Variants in SDK1 observed in about 807,000 individuals in gnomAD.
SDK1 encodes sidekick cell adhesion molecule 1.
In SDK1, 157 loss-of-function variants were observed where a neutral mutation model predicts 245.5. That is an observed-to-expected ratio of 0.64 (90% confidence interval 0.56 to 0.73). SDK1 has a LOEUF of 0.73. Among genes scored for constraint, SDK1 ranks in the 30% least tolerant of loss-of-function variants. The pLI is 0.00. For missense variants in SDK1, 3,583 were observed against 3,002.3 expected (o/e 1.19, Z -4.52); for synonymous variants, 1,647 against 1,278.5 (o/e 1.29, Z -6.15).
chr7:4,096,985 G>GCAGA (rs1424108490), intron 22 of SDK1, among the ~76,000 whole-genome samples: 2 of 152,216 alleles, frequency 1.3e-5, no homozygotes, highest in African/African-American at 4.8e-5. Context: ...GTGCACTCGA[G>GCAGA]CAGAATCACA....
Position 3,722,770 on chromosome 7 carries a change from G to T in SDK1, c.713+80665G>T, listed in dbSNP as rs774655727. 2.6e-5 allele frequency among the ~76,000 whole-genome samples: 4 copies of T among 152,304 alleles called. No homozygotes were observed. The East Asian group carries it at 5.8e-4, about 22-fold the overall frequency. ...GGACTCGCGCGGGTGGCTCAGCACC[G>T]CCCTCTGTCTGTTCTTAGGTCTTGC... On this transcript the variant is annotated intron_variant, in intron 4 of 44. Transcript: ENST00000404826.
At chr7:4,063,191 GTCTAAACAAACCTAGAC>G (rs1362491087) in intron 19 of SDK1, among the ~76,000 whole-genome samples, 1 of 152,104 alleles carries the variant, frequency 6.6e-6, no homozygotes, top group Non-Finnish European at 1.5e-5. Flanking sequence ...ATGATCTTGT[GTCTAAACAAACCTAGAC>G]TCCACCAAAA....
intron 44 of SDK1, among the ~76,000 whole-genome samples, chr7:4,264,512 C>T (rs1163589627): frequency 7.2e-5 from 9 of 125,502 alleles, no homozygotes; most frequent in Non-Finnish European, 1.4e-4. Flanking sequence ...GCCGCGTGGA[C>T]CTCTCCTGAG....
chr7:3,869,328 G>C (rs1297425352), intron 5 of SDK1, among the ~76,000 whole-genome samples: 1 of 151,888 alleles, frequency 6.6e-6, no homozygotes, highest in Admixed American at 6.6e-5. Context: ...GCTAATTTTT[G>C]TATTTTTAGT....
rs1277143961 is a variant in SDK1 at position 3,766,542 on chromosome 7, G to T, written c.714-54908G>T. The stretch of plus-strand genomic sequence containing the variant: ...AGTGTACCTGGTTAATATGGTTTTT[G>T]TAGTTATTAGAGGGAATAATATAAC... On this transcript the variant is annotated intron_variant, in intron 4 of 44. Transcript: ENST00000404826. Among the ~76,000 whole-genome samples, 24 of 152,112 alleles carry T rather than the reference G, an allele frequency of 1.6e-4. 1 individual carries two copies. Among genetic ancestry groups the T allele is most frequent in the Admixed American group, 1.6e-3 (24 of 15,274 alleles).
At chr7:4,240,071 C>T (rs915756979) in intron 42 of SDK1, among the ~76,000 whole-genome samples, 9 of 152,250 alleles carry the variant, frequency 5.9e-5, no homozygotes, top group Admixed American at 1.3e-4. Context: ...AACAAGTGTT[C>T]GTAAATCAGA....
intron 1 of SDK1, among the ~76,000 whole-genome samples, chr7:3,562,350 A>G (rs10281713): frequency 3.0e-4 from 46 of 152,330 alleles, no homozygotes; most frequent in African/African-American, 1.0e-3. Flanking sequence ...CTTTTCTTCC[A>G]TAGATTGTAA....
chr7:4,021,283 C>A (rs755136307), intron 17 of SDK1, among the ~76,000 whole-genome samples: 1 of 152,128 alleles, frequency 6.6e-6, no homozygotes, highest in Non-Finnish European at 1.5e-5. Context: ...ATCCACAGAT[C>A]GGGGTACTGG....
intron 4 of SDK1, among the ~76,000 whole-genome samples, chr7:3,714,455 G>C (rs1785142302): frequency 6.6e-6 from 1 of 152,168 alleles, no homozygotes; most frequent in Non-Finnish European, 1.5e-5. Flanking sequence ...CGCCCTTCCA[G>C]AGTCTCAGTT....
At chr7:4,128,975 G>A (rs1197465151) in intron 26 of SDK1, among the ~76,000 whole-genome samples, 5 of 112,308 alleles carry the variant, frequency 4.5e-5, no homozygotes, top group East Asian at 5.4e-4. Flanking sequence ...GTCCCCTGGA[G>A]GAGAGCAGCT....
intron 19 of SDK1, among the ~76,000 whole-genome samples, chr7:4,064,678 C>T (rs115518984): frequency 6.6e-5 from 10 of 152,112 alleles, no homozygotes; most frequent in African/African-American, 2.4e-4. Flanking sequence ...CATCAGTAGA[C>T]CAACGGATAA....
intron 5 of SDK1, among the ~76,000 whole-genome samples, chr7:3,862,704 G>C (rs1362795719): frequency 6.6e-6 from 1 of 152,130 alleles, no homozygotes; most frequent in Non-Finnish European, 1.5e-5. Flanking sequence ...ATTTGAGCTT[G>C]AGTTACTAGT....
At chr7:3,534,689 G>A (rs756686190) in intron 1 of SDK1, among the ~76,000 whole-genome samples, 1 of 152,094 alleles carries the variant, frequency 6.6e-6, no homozygotes, top group Non-Finnish European at 1.5e-5. Flanking sequence ...TTGTGATACA[G>A]GTGTTAAGAA....
intron 4 of SDK1, among the ~76,000 whole-genome samples, chr7:3,644,421 C>G (rs1482960893): frequency 6.6e-6 from 1 of 151,322 alleles, no homozygotes; most frequent in African/African-American, 2.4e-5. Flanking sequence ...TTCGATGAAA[C>G]AAAAATGAAG....
intron 22 of SDK1, among the ~76,000 whole-genome samples, chr7:4,103,820 G>A (rs1782733024): frequency 6.6e-6 from 1 of 152,208 alleles, no homozygotes; most frequent in Non-Finnish European, 1.5e-5. Flanking sequence ...CCGTGGGGGT[G>A]GTGCGCTCCA....
At chr7:4,220,016 G>A in intron 38 of SDK1, 93 bp from the exon 39 acceptor site, 2 of 1,441,026 alleles carry the variant, frequency 1.4e-6, no homozygotes, top group Non-Finnish European at 1.9e-6. Flanking sequence ...AAACTGCAGG[G>A]ACCACTTTCC....
At chr7:3,587,854 A>G (rs1583199529) in intron 1 of SDK1, among the ~76,000 whole-genome samples, 1 of 152,242 alleles carries the variant, frequency 6.6e-6, no homozygotes, top group Non-Finnish European at 1.5e-5. Flanking sequence ...GCTCCAGGGC[A>G]GGGGCCAGAT....
At chr7:4,237,974 G>A (rs1562468554) in intron 42 of SDK1, among the ~76,000 whole-genome samples, 190 bp downstream of exon 42, 1 of 152,110 alleles carries the variant, frequency 6.6e-6, no homozygotes, top group Non-Finnish European at 1.5e-5. Context: ...TCTATGCCTC[G>A]GGACCCAGAT....
chr7:3,470,598 T>C, intron 1 of SDK1, among the ~76,000 whole-genome samples: 1 of 152,102 alleles, frequency 6.6e-6, no homozygotes, highest in Non-Finnish European at 1.5e-5. Context: ...CGCTGGAGAC[T>C]TATTATGACT....
Sources: gnomAD v4.1 joint callset for allele counts (sites outside exome capture counted in the v4.1 genomes callset) on GRCh38, gnomAD v4.1.1 for gene constraint, MANE v1.5 for transcripts, NCBI Gene and HGNC (gene_info 2026-07-23, HGNC 2026-07-21) for gene names.